The following CENPK variants were observed in gnomAD, a reference collection of about 807,000 sequenced individuals.
The protein encoded by CENPK is centromere protein K.
Under a neutral mutation model 40.9 loss-of-function variants are expected in CENPK, and 46 were observed. The ratio of observed to expected loss-of-function variants is 1.13; its 90% CI spans 0.89 to 1.44. The LOEUF (loss-of-function observed/expected upper bound fraction) is 1.44, where lower values mean the gene tolerates loss of function less well. Ranked by LOEUF, CENPK falls within the 40% of genes most tolerant of loss-of-function variation. CENPK has a pLI of 0.00. For synonymous variants in CENPK, 107 were observed against 104.4 expected, an observed-to-expected ratio of 1.02 and a Z score of -0.15; for missense variants, 288 against 303.5, an observed-to-expected ratio of 0.95 and a Z score of 0.38.
intron 5 of CENPK, among the ~76,000 whole-genome samples, chr5:65,548,674 G>A (rs1454461086): frequency 1.3e-5 from 2 of 152,016 alleles, no homozygotes; most frequent in African/African-American, 2.4e-5. Flanking sequence ...CATTTCAACC[G>A]TGTTCAAAGC....
intron 5 of CENPK, among the ~76,000 whole-genome samples, chr5:65,545,695 T>G (rs1748818057): frequency 6.6e-6 from 1 of 152,152 alleles, no homozygotes; most frequent in South Asian, 2.1e-4. Flanking sequence ...GGACTAAAGC[T>G]ACCATAAATC....
downstream of CENPK, among the ~76,000 whole-genome samples, chr5:65,516,639 T>C (rs1005881003): frequency 1.6e-4 from 25 of 152,212 alleles, no homozygotes; most frequent in African/African-American, 6.0e-4. Flanking sequence ...CAGTTTTATC[T>C]GTAGTATCTG....
downstream of CENPK, among the ~76,000 whole-genome samples, chr5:65,514,544 C>G (rs578239845): frequency 3.3e-5 from 5 of 152,162 alleles, no homozygotes; most frequent in African/African-American, 1.2e-4. Flanking sequence ...GGATTACAGG[C>G]GTGAGCCATC....
intron 5 of CENPK, among the ~76,000 whole-genome samples, chr5:65,543,168 T>C (rs777183475): frequency 1.6e-4 from 25 of 152,214 alleles, no homozygotes; most frequent in Non-Finnish European, 2.2e-4. Context: ...TTCATCATGT[T>C]GGCCAAGCCA....
chr5:65,514,800 C>T (rs939677762), downstream of CENPK, among the ~76,000 whole-genome samples: 1 of 152,200 alleles, frequency 6.6e-6, no homozygotes. Context: ...GCGTCTTTCA[C>T]AAAATTGGTC....
At chr5:65,531,811 A>G (rs554529370) in intron 6 of CENPK, among the ~76,000 whole-genome samples, 3 of 152,326 alleles carry the variant, frequency 2.0e-5, no homozygotes, top group Admixed American at 2.0e-4. Context: ...CTAAAAGCCT[A>G]TTTTAAAAGA....
At chr5:65,554,709 A>T (rs111389933) in intron 3 of CENPK, 88 bp downstream of exon 3, 1 of 770,936 alleles carries the variant, frequency 1.3e-6, no homozygotes, top group Non-Finnish European at 2.2e-6. Context: ...TTTGGAAACT[A>T]GCACAATCAT....
chr5:65,509,553 G>C, the CENPK span, among the ~76,000 whole-genome samples: 3 of 152,242 alleles, frequency 2.0e-5, no homozygotes, highest in East Asian at 5.8e-4. Context: ...AAGAATGTCG[G>C]TGTTCCTTCC....
chr5:65,547,806 AG>A (rs948933916), intron 5 of CENPK, among the ~76,000 whole-genome samples: 14 of 151,928 alleles, frequency 9.2e-5, no homozygotes, highest in African/African-American at 3.4e-4. Flanking sequence ...CTGGGACTGC[AG>A]GCGCCCACCA....
In CENPK at chr5:65,544,674, A is replaced by G. The variant is rs1452425472; in HGVS notation, c.242-1826T>C. Among the ~76,000 whole-genome samples, 6 of 152,380 alleles carry G rather than the reference A, an allele frequency of 3.9e-5. No individual in the cohort carries two copies. In the East Asian group the frequency reaches 1.2e-3, roughly 29 times the overall value. On this transcript the variant is annotated intron_variant, in intron 5 of 10. Coordinates refer to ENST00000396679, the MANE Select transcript of CENPK (RefSeq NM_022145.5). ...AATGGATAAGCAAACTGTGGTATAT[A>G]CATACAATGAAATACTATTCAGCCT...
chr5:65,543,165 T>G (rs1239943627), intron 5 of CENPK, among the ~76,000 whole-genome samples: 1 of 152,220 alleles, frequency 6.6e-6, no homozygotes, highest in Admixed American at 6.5e-5. Context: ...GATTTCATCA[T>G]GTTGGCCAAG....
intron 5 of CENPK, among the ~76,000 whole-genome samples, chr5:65,548,861 C>CA (rs1228240588): frequency 1.3e-5 from 2 of 152,132 alleles, no homozygotes; most frequent in South Asian, 2.1e-4. Context: ...TTGAACCCCT[C>CA]AGAGTCATCC....
chr5:65,555,065 C>T (rs768810777), intron 2 of CENPK, 119 bp from the exon 3 acceptor site: 4 of 571,358 alleles, frequency 7.0e-6, no homozygotes, highest in African/African-American at 1.9e-5. Flanking sequence ...TCCCTCCTAC[C>T]GTGAACCTTA....
intron 9 of CENPK, among the ~76,000 whole-genome samples, chr5:65,523,586 T>A (rs1417560671): frequency 6.6e-6 from 1 of 152,186 alleles, no homozygotes; most frequent in Non-Finnish European, 1.5e-5. Context: ...ATACGATTAG[T>A]GGTGAAGACA....
the CENPK span, among the ~76,000 whole-genome samples, chr5:65,502,292 A>G: frequency 7.2e-4 from 109 of 152,298 alleles, no homozygotes; most frequent in African/African-American, 2.6e-3. Context: ...GATCTTCTCT[A>G]GCATCCAGTC....
At chr5:65,551,735 G>C in intron 4 of CENPK, 99 bp from the exon 5 acceptor site, 1 of 572,908 alleles carries the variant, frequency 1.7e-6, no homozygotes, top group South Asian at 3.5e-5. Context: ...TTTGCAGGGG[G>C]GTGGCATCCC....
At chr5:65,541,349 T>C in intron 6 of CENPK, 1 of 455,822 alleles carries the variant, frequency 2.2e-6, no homozygotes, top group Non-Finnish European at 4.4e-6. Flanking sequence ...TGGGATCTGA[T>C]GTTACCTCCA....
chr5:65,563,143 A>C lies in CENPK; in HGVS notation c.-187T>G. ...CAGGTCGCCTAGGCGCTGCGCAGGAAGCGCTTGCCAGCCCCGGACTTCTGC... is the reference window on the plus strand; with the variant it reads ...CAGGTCGCCTAGGCGCTGCGCAGGACGCGCTTGCCAGCCCCGGACTTCTGC... On this transcript the variant is annotated 5_prime_UTR_variant, in exon 1 of 11. Coordinates refer to ENST00000396679, the MANE Select transcript of CENPK (RefSeq NM_022145.5). 1.2e-6 allele frequency: 1 copy of C among 833,476 alleles called. No homozygotes were observed. Among genetic ancestry groups the C allele is most frequent in the Non-Finnish European group, 1.8e-6 (1 of 550,710 alleles). The allele number at this position is 833,476 out of a possible 1,614,324, so 51.6% of individuals were successfully genotyped here.
chr5:65,515,843 A>T (rs971841411), downstream of CENPK, among the ~76,000 whole-genome samples: 7 of 152,210 alleles, frequency 4.6e-5, no homozygotes, highest in African/African-American at 1.7e-4. Context: ...TATCTAGGCT[A>T]CCCTAACAAA....
Sources: gnomAD v4.1 joint callset for allele counts (sites outside exome capture counted in the v4.1 genomes callset) on GRCh38, gnomAD v4.1.1 for gene constraint, MANE v1.5 for transcripts, NCBI Gene and HGNC (gene_info 2026-07-23, HGNC 2026-07-21) for gene names.